SULT2B1: variants seen among roughly 807,000 people sequenced by gnomAD.
The protein encoded by SULT2B1 is sulfotransferase family 2B member 1, also known as sulfotransferase 2B1.
Under a neutral mutation model 33.2 loss-of-function variants are expected in SULT2B1, and 16 were observed. The observed-to-expected ratio is 0.48, with a 90% CI of 0.33 to 0.73. The LOEUF (loss-of-function observed/expected upper bound fraction) is 0.73, where lower values mean the gene tolerates loss of function less well. SULT2B1 is among the 30% of genes least tolerant of loss of function. The pLI is 0.02. For missense variants in SULT2B1, 500 were observed against 506.0 expected (o/e 0.99, Z 0.11); for synonymous variants, 186 against 200.5 (o/e 0.93, Z 0.61).
chr19:48,588,977 C>A (rs10426377), intron 3 of SULT2B1, among the ~76,000 whole-genome samples: 41,074 of 152,050 alleles, frequency 0.27, 5,809 homozygotes, highest in East Asian at 0.52. Context: ...GGGCCCGGTG[C>A]GGACTTGAGC....
At chr19:48,567,753 TGAGCTG>T in intron 1 of SULT2B1, among the ~76,000 whole-genome samples, 2 of 151,390 alleles carry the variant, frequency 1.3e-5, no homozygotes, top group East Asian at 2.0e-4. Context: ...GAGGGTCGCT[TGAGCTG>T]AGGAGTTCAA....
At chr19:48,573,648 G>T (rs946977376) in intron 1 of SULT2B1, among the ~76,000 whole-genome samples, 6 of 152,008 alleles carry the variant, frequency 3.9e-5, no homozygotes, top group Non-Finnish European at 7.4e-5. Flanking sequence ...GCATTTGGAG[G>T]TCTTGGCTGG....
At chr19:48,592,040 TC>T (rs1226452887) in intron 4 of SULT2B1, among the ~76,000 whole-genome samples, 4 of 151,944 alleles carry the variant, frequency 2.6e-5, no homozygotes, top group African/African-American at 4.8e-5. Context: ...ATGCGTGTAA[TC>T]CCAGCACTTT....
chr19:48,572,134 G>A (rs1395456407), intron 1 of SULT2B1, among the ~76,000 whole-genome samples: 4 of 152,138 alleles, frequency 2.6e-5, no homozygotes, highest in African/African-American at 4.8e-5. Flanking sequence ...GGAGGGGGAT[G>A]GACAGAGGGA....
chr19:48,565,994 C>T (rs1041833364), intron 1 of SULT2B1, among the ~76,000 whole-genome samples: 13 of 151,388 alleles, frequency 8.6e-5, no homozygotes, highest in African/African-American at 3.2e-4. Context: ...CTCACTGCAA[C>T]CTCCGCCTCC....
chr19:48,553,769 G>A (rs1973057627), intron 1 of SULT2B1, among the ~76,000 whole-genome samples: 1 of 152,172 alleles, frequency 6.6e-6, no homozygotes, highest in Admixed American at 6.5e-5. Flanking sequence ...ATGTCTCTGG[G>A]CCTCCTGGGC....
rs752904275 is a variant in SULT2B1 at position 48,576,067 on chromosome 19, C to A, written c.198C>A (p.Ile66=). 6.2e-7 allele frequency: 1 copy of A among 1,612,082 alleles called. No individual in the cohort carries two copies. Among genetic ancestry groups the A allele is most frequent in the South Asian group, 1.1e-5 (1 of 91,058 alleles). ...QDVRDDDIFI[I]TYPKSGTTWM... is the part of the protein sequence containing the mutation. ...TGCGGGACGACGACATCTTTATCAT[C>A]ACCTACCCCAAGTCAGGTACCTGCC... Residue 66 remains isoleucine (I), a synonymous_variant, in exon 2 of 7, where the codon ATC becomes ATA. Coordinates refer to ENST00000201586, the MANE Select transcript of SULT2B1 (RefSeq NM_177973.2).
Position 48,596,754 on chromosome 19 carries a change from G to T in SULT2B1, c.661G>T (p.Val221Leu). 6.2e-7 allele frequency: 1 copy of T among 1,605,598 alleles called. No homozygotes were observed. The highest frequency in any genetic ancestry group is 2.2e-5 in the East Asian group (1 of 44,846). Residue 221 changes from valine to leucine, a missense_variant, in exon 6 of 7, where the codon GTG becomes TTG. Transcript: ENST00000201586. ...EELQQDLQGS[V>L]ERICGFLGRP... ...CTGCCTGCAGGACTTACAGGGCTCC[G>T]TGGAGCGCATCTGTGGGTTCCTGGG...
intron 1 of SULT2B1, chr19:48,575,497 G>A (rs1973392096): frequency 6.7e-6 from 1 of 150,250 alleles, no homozygotes. Flanking sequence ...TATATTTTGA[G>A]ATGGAGTTTC....
In SULT2B1 at chr19:48,556,863, T is replaced by A. The variant is rs544102371; in HGVS notation, c.71+4540T>A. ...TACTCAGGAGGTTAAGGCAGGAGAATCGCTTGAACCCAGGAGGCGGAAGTT... is the reference window on the plus strand; with the variant it reads ...TACTCAGGAGGTTAAGGCAGGAGAAACGCTTGAACCCAGGAGGCGGAAGTT... On this transcript the variant is annotated intron_variant, in intron 1 of 6. Transcript: ENST00000201586. Among the ~76,000 whole-genome samples the A allele has an allele frequency of 5.3e-5, 8 of 151,718 alleles. No homozygotes were observed. In the East Asian group the frequency reaches 1.6e-3, roughly 30 times the overall value.
At chr19:48,553,074 C>T (rs1973049883) in intron 1 of SULT2B1, among the ~76,000 whole-genome samples, 1 of 152,120 alleles carries the variant, frequency 6.6e-6, no homozygotes, top group African/African-American at 2.4e-5. Flanking sequence ...GTGATGTCCC[C>T]TTTACACCCC....
chr19:48,584,525 A>G (rs1295786241), intron 2 of SULT2B1, among the ~76,000 whole-genome samples: 1 of 140,278 alleles, frequency 7.1e-6, no homozygotes, highest in Admixed American at 6.8e-5. Flanking sequence ...GTCCAGCTCC[A>G]ATATCACAAA....
chr19:48,552,307 G>T lies in SULT2B1; in HGVS notation c.55G>T (p.Asp19Tyr). The T allele has an allele frequency of 6.2e-7, 1 of 1,613,988 alleles. No homozygotes were observed. Among genetic ancestry groups the T allele is most frequent in the Non-Finnish European group, 8.5e-7 (1 of 1,179,932 alleles). Residue 19 changes from aspartate (D) to tyrosine (Y), a missense_variant, in exon 1 of 7, where the codon GAC becomes TAC. Transcript: ENST00000201586. This position sits in a 1 kb window ranked among gnomAD's most constrained non-coding sequence, Gnocchi z 4.8. The stretch of plus-strand genomic sequence containing the variant: ...GGGCTTGTGGGACACCTATGAAGAT[G>T]ACATCTCGGAAATCAGGTGAGGCCC... ...IPGLWDTYED[D>Y]ISEISQKLPG...
At chr19:48,564,329 G>A (rs1395123099) in intron 1 of SULT2B1, among the ~76,000 whole-genome samples, 5 of 151,372 alleles carry the variant, frequency 3.3e-5, no homozygotes, top group South Asian at 2.1e-4. Flanking sequence ...CGAGGCGGGC[G>A]GATCACGAGG....
At chr19:48,581,742 C>A (rs1447780825) in intron 2 of SULT2B1, among the ~76,000 whole-genome samples, 2 of 151,786 alleles carry the variant, frequency 1.3e-5, no homozygotes, top group Non-Finnish European at 1.5e-5. Context: ...CAGGCGTGAG[C>A]CACCGTGCCC....
In SULT2B1 at chr19:48,552,265, G is replaced by A. The variant is rs751154801; in HGVS notation, c.13G>A (p.Ala5Thr). 110 of 1,613,666 alleles carry A rather than the reference G, an allele frequency of 6.8e-5. No individual in the cohort carries two copies. The highest frequency in any genetic ancestry group is 8.3e-5 in the Admixed American group (5 of 59,968). MDGPAEPQIPGLWDT... is the reference protein window; with the variant it reads MDGPTEPQIPGLWDT... ...TCACCCACCTGCCATGGACGGGCCC[G>A]CCGAGCCCCAGATCCCGGGCTTGTG... is the stretch of plus-strand genomic sequence containing the variant. The change falls in exon 1 of 7, where the codon GCC becomes ACC. Residue 5 changes from alanine (A) to threonine (T), a missense_variant. Physicochemically the swap from Ala to Thr is moderately conservative, Grantham distance 58. Transcript: ENST00000201586. The surrounding 1 kb of genome is among the most constrained non-coding windows in gnomAD (Gnocchi z 4.8).
intron 5 of SULT2B1, 88 bp from the exon 6 acceptor site, chr19:48,596,651 T>C (rs1601115309): frequency 1.4e-6 from 2 of 1,402,388 alleles, no homozygotes; most frequent in East Asian, 2.5e-5. Flanking sequence ...CAGCCCCAGG[T>C]TAGGACCCAG....
At chr19:48,570,226 C>T (rs1973302093) in intron 1 of SULT2B1, among the ~76,000 whole-genome samples, 1 of 150,674 alleles carries the variant, frequency 6.6e-6, no homozygotes, top group Non-Finnish European at 1.5e-5. Flanking sequence ...GTTGCCCAGG[C>T]TGGAGTGCAA....
At position 48,591,719 on chromosome 19, in the gene SULT2B1, C is replaced by T. The variant is rs1973645886; in HGVS notation, c.534C>T (p.Asp178=). ...GCACACCCGACCAGTTCCTGAGGGA[C>T]TTCCTCAAAGGCGAAGGTGGGGACA... ...DPGTPDQFLR[D]FLKGEVQFGS... Residue 178 remains aspartate (D), a synonymous_variant, in exon 4 of 7, where the codon GAC becomes GAT. Transcript: ENST00000201586. 2 of 1,603,544 alleles carry T rather than the reference C, an allele frequency of 1.2e-6. No homozygotes were observed. Among genetic ancestry groups the T allele is most frequent in the Non-Finnish European group, 1.7e-6 (2 of 1,174,924 alleles).
Sources: allele counts gnomAD v4.1 joint callset (sites outside exome capture counted in the v4.1 genomes callset), GRCh38; gene constraint gnomAD v4.1.1; non-coding constraint Gnocchi (gnomAD v3.1); transcripts MANE v1.5; gene names NCBI Gene and HGNC (gene_info 2026-07-23, HGNC 2026-07-21).